PCDHGA4: variants seen among roughly 807,000 people sequenced by gnomAD.
PCDHGA4 encodes protocadherin gamma-A4.
PCDHGA4 carries 38 observed loss-of-function variants against 54.6 expected under a neutral mutation model. The observed-to-expected ratio is 0.70, with a 90% CI of 0.54 to 0.91. The LOEUF (loss-of-function observed/expected upper bound fraction) is 0.91. Ranked by LOEUF, PCDHGA4 falls within the 40% of genes least tolerant of loss-of-function variation. PCDHGA4 has a pLI of 0.00. For missense variants in PCDHGA4, 1,298 were observed against 1,220.9 expected (o/e 1.06, Z -0.94); for synonymous variants, 511 against 512.9 (o/e 1.00, Z 0.05).
intron 1 of PCDHGA4, 178 bp downstream of exon 1, chr5:141,357,799 A>G: frequency 1.3e-6 from 1 of 798,378 alleles, no homozygotes; most frequent in Non-Finnish European, 1.9e-6. Context: ...CCACACAAAA[A>G]TGTTGTTTAT....
At chr5:141,371,221 A>C (rs769598930) in intron 1 of PCDHGA4, 3 of 1,614,064 alleles carry the variant, frequency 1.9e-6, no homozygotes, top group Non-Finnish European at 1.7e-6. Context: ...ATCAATGCCG[A>C]AATCATCTAT....
intron 1 of PCDHGA4, chr5:141,418,804 T>C (rs368948947): frequency 3.3e-5 from 54 of 1,613,718 alleles, no homozygotes; most frequent in African/African-American, 5.3e-5. Flanking sequence ...TAGAAAGATA[T>C]ACGATAAACA....
intron 1 of PCDHGA4, chr5:141,366,290 C>T: frequency 6.2e-7 from 1 of 1,613,732 alleles, no homozygotes; most frequent in Admixed American, 1.7e-5. Context: ...CCAGCCCCCT[C>T]TGTCAGCCAC....
In PCDHGA4 at chr5:141,432,071, A is replaced by G; in HGVS notation, c.2515-62736A>G. On this transcript the variant is annotated intron_variant, in intron 1 of 3. Transcript: ENST00000571252. The surrounding 1 kb of genome is among the most constrained non-coding windows in gnomAD (Gnocchi z 6.0). ...CCCGCCCCTATCCACGGAAACTCAT[A>G]TCTCGCTGAACGTGGCAGACACCAA... is the stretch of plus-strand genomic sequence containing the variant. 2 of 1,614,158 alleles carry G rather than the reference A, an allele frequency of 1.2e-6. No individual in the cohort carries two copies. The highest frequency in any genetic ancestry group is 1.7e-6 in the Non-Finnish European group (2 of 1,180,032).
In PCDHGA4 at chr5:141,431,887, T is replaced by C; in HGVS notation, c.2515-62920T>C. The C allele has an allele frequency of 1.2e-6, 2 of 1,614,190 alleles. No individual in the cohort carries two copies. The highest frequency in any genetic ancestry group is 1.7e-6 in the Non-Finnish European group (2 of 1,179,996). ...TTTTAAATGTAAATGACCAAGATTCTGAGGAAAACGGACAGGTGATCTGTT... is the reference window on the plus strand; with the variant it reads ...TTTTAAATGTAAATGACCAAGATTCCGAGGAAAACGGACAGGTGATCTGTT... On this transcript the variant is annotated intron_variant, in intron 1 of 3. Coordinates refer to ENST00000571252, the MANE Select transcript of PCDHGA4 (RefSeq NM_018917.4). The surrounding 1 kb of genome is among the most constrained non-coding windows in gnomAD (Gnocchi z 4.8).
chr5:141,384,360 C>T (rs1321195409), intron 1 of PCDHGA4: 2 of 1,613,902 alleles, frequency 1.2e-6, no homozygotes, highest in Non-Finnish European at 1.7e-6. Flanking sequence ...ATGCCCAGAT[C>T]ACTTATTCCT....
intron 1 of PCDHGA4, chr5:141,422,796 T>C: frequency 6.2e-7 from 1 of 1,614,234 alleles, no homozygotes; most frequent in Middle Eastern, 1.6e-4. Flanking sequence ...CCTTCGACTA[T>C]GAGCAGTTTC....
chr5:141,384,670 G>A, intron 1 of PCDHGA4: 1 of 1,614,220 alleles, frequency 6.2e-7, no homozygotes. Context: ...GGTGACCAAG[G>A]TGGTGGCGGT....
At position 141,511,256 on chromosome 5, in the gene PCDHGA4, T is replaced by C. The variant is rs1003866304; in HGVS notation, c.*83T>C. On this transcript the variant is annotated 3_prime_UTR_variant, in exon 4 of 4. Transcript: ENST00000571252. ...CTTACCTGCACCCAGGCCTCAGAGT[T>C]TCAGGGCTAACCCCCAGAATACTGG... The C allele has an allele frequency of 1.9e-6, 3 of 1,563,388 alleles. No homozygotes were observed. The highest frequency in any genetic ancestry group is 2.7e-5 in the African/African-American group (2 of 73,508).
intron 1 of PCDHGA4, chr5:141,393,114 CG>C: frequency 6.2e-7 from 1 of 1,613,418 alleles, no homozygotes; most frequent in Non-Finnish European, 8.5e-7. Flanking sequence ...TCAGAGCCCG[CG>C]GTGTCTGATA....
intron 1 of PCDHGA4, among the ~76,000 whole-genome samples, chr5:141,445,441 C>T (rs1201825256): frequency 6.6e-6 from 1 of 152,152 alleles, no homozygotes; most frequent in Admixed American, 6.6e-5. Context: ...GACCTATGGA[C>T]TAAGGATGCA....
At chr5:141,472,347 C>G (rs992566469) in intron 1 of PCDHGA4, among the ~76,000 whole-genome samples, 11 of 152,028 alleles carry the variant, frequency 7.2e-5, no homozygotes, top group Non-Finnish European at 1.2e-4. Context: ...CGAGACCATC[C>G]TGGCTAACAC....
intron 1 of PCDHGA4, among the ~76,000 whole-genome samples, chr5:141,381,823 C>CTTTCTTTCT (rs1777506241): frequency 9.8e-6 from 1 of 101,610 alleles, no homozygotes; most frequent in African/African-American, 4.3e-5. Context: ...TTTCTTTCTT[C>CTTTCTTTCT]TTCTTTTTTT....
intron 1 of PCDHGA4, chr5:141,361,352 C>G: frequency 6.2e-7 from 1 of 1,613,998 alleles, no homozygotes; most frequent in Non-Finnish European, 8.5e-7. Flanking sequence ...AAACTAGTGA[C>G]AGACGGCGCT....
At position 141,476,632 on chromosome 5, in the gene PCDHGA4, T is replaced by A. The variant is rs994726301; in HGVS notation, c.2515-18175T>A. ...TGGGAAGCAACTCTTTACAAACCTATGAGCTGAGCCGAAATGAATACTTTG... is the reference window on the plus strand; with the variant it reads ...TGGGAAGCAACTCTTTACAAACCTAAGAGCTGAGCCGAAATGAATACTTTG... On this transcript the variant is annotated intron_variant, in intron 1 of 3. Transcript: ENST00000571252. The surrounding 1 kb of genome is among the most constrained non-coding windows in gnomAD (Gnocchi z 7.6). 1 of 1,614,216 alleles carries A rather than the reference T, an allele frequency of 6.2e-7. No individual in the cohort carries two copies. The highest frequency in any genetic ancestry group is 8.5e-7 in the Non-Finnish European group (1 of 1,180,028).
chr5:141,405,414 T>G, intron 1 of PCDHGA4: 3 of 1,562,312 alleles, frequency 1.9e-6, no homozygotes, highest in Non-Finnish European at 2.6e-6. Flanking sequence ...TTTCTTTTTT[T>G]GTTTTTTGTT....
rs36031641 is a variant in PCDHGA4 at position 141,434,771 on chromosome 5, T to TA, written c.2515-60023dup. ...CCCCTGATTCCCCACTTCACACTTCTAAAAAAAAAAAAATTTTTTTTTCTG... is the reference window on the plus strand; with the variant it reads ...CCCCTGATTCCCCACTTCACACTTCTAAAAAAAAAAAAAATTTTTTTTTCTG... On this transcript the variant is annotated intron_variant, in intron 1 of 3. Coordinates refer to ENST00000571252, the MANE Select transcript of PCDHGA4 (RefSeq NM_018917.4). Among the ~76,000 whole-genome samples, 71 of 145,288 alleles carry TA rather than the reference T, an allele frequency of 4.9e-4. 1 individual carries two copies. The highest frequency in any genetic ancestry group is 3.6e-3 in the Middle Eastern group (1 of 278).
At position 141,398,847 on chromosome 5, in the gene PCDHGA4, G is replaced by C. The variant is rs773663002; in HGVS notation, c.2514+41226G>C. ...TAACCGACGCCAATGATAATCCCCC[G>C]GTATTCAACCGAGACGTGTACAGAG... On this transcript the variant is annotated intron_variant, in intron 1 of 3. Coordinates refer to ENST00000571252, the MANE Select transcript of PCDHGA4 (RefSeq NM_018917.4). The C allele has an allele frequency of 3.8e-5, 62 of 1,613,758 alleles. 1 individual carries two copies. In the Admixed American group the frequency reaches 1.0e-3, roughly 27 times the overall value.
intron 1 of PCDHGA4, among the ~76,000 whole-genome samples, chr5:141,453,993 A>T (rs2098779172): frequency 6.6e-6 from 1 of 152,234 alleles, no homozygotes; most frequent in African/African-American, 2.4e-5. Flanking sequence ...CCAGTGATAA[A>T]CCCACATAAC....
Sources: gnomAD v4.1 joint callset for allele counts (sites outside exome capture counted in the v4.1 genomes callset) on GRCh38, gnomAD v4.1.1 for gene constraint, Gnocchi (gnomAD v3.1) non-coding constraint, MANE v1.5 for transcripts, NCBI Gene and HGNC (gene_info 2026-07-23, HGNC 2026-07-21) for gene names.